GAB2: variants seen among roughly 807,000 people sequenced by gnomAD.
GAB2 encodes the protein GRB2-associated-binding protein 2.
GAB2 carries 26 observed loss-of-function variants against 65.5 expected under a neutral mutation model. The ratio of observed to expected loss-of-function variants is 0.40; its 90% CI spans 0.29 to 0.55. The LOEUF (loss-of-function observed/expected upper bound fraction) is 0.55, where lower values mean the gene tolerates loss of function less well. Among genes scored for constraint, GAB2 ranks in the 20% least tolerant of loss-of-function variants. GAB2 has a pLI of 0.53. For missense variants in GAB2, 884 were observed against 875.8 expected, an observed-to-expected ratio of 1.01 and a Z score of -0.12; for synonymous variants, 321 against 329.6, an observed-to-expected ratio of 0.97 and a Z score of 0.28.
At chr11:78,326,685 T>C (rs181465770) in intron 1 of GAB2, among the ~76,000 whole-genome samples, 4 of 152,350 alleles carry the variant, frequency 2.6e-5, no homozygotes, top group Non-Finnish European at 1.5e-5. Context: ...AACAGTTTGT[T>C]CATCTTTGTG....
chr11:78,222,723 T>C (rs1008268678), intron 6 of GAB2, among the ~76,000 whole-genome samples: 1 of 151,940 alleles, frequency 6.6e-6, no homozygotes, highest in African/African-American at 2.4e-5. Context: ...GCTGGGACTA[T>C]AGGCGCCTGC....
intron 1 of GAB2, among the ~76,000 whole-genome samples, chr11:78,333,671 G>A (rs1855952200): frequency 6.6e-6 from 1 of 152,174 alleles, no homozygotes; most frequent in East Asian, 1.9e-4. Flanking sequence ...TGGGCAGGGA[G>A]AACAGTAAGT....
rs142005146 is a variant in GAB2 at position 78,384,127 on chromosome 11, G to C, written c.75+33519C>G. The stretch of plus-strand genomic sequence containing the variant: ...CTGCACTCTCATTTTGTACCAAAAT[G>C]TACCAAACCTGATGCACCTCAAAGG... On this transcript the variant is annotated intron_variant, in intron 1 of 9. Coordinates refer to ENST00000361507, the MANE Select transcript of GAB2 (RefSeq NM_080491.3). Among the ~76,000 whole-genome samples, 683 of 152,296 alleles carry C rather than the reference G, an allele frequency of 4.5e-3. 4 individuals are homozygous for C. The highest frequency in any genetic ancestry group is 0.016 in the African/African-American group (660 of 41,572).
intron 1 of GAB2, among the ~76,000 whole-genome samples, chr11:78,383,278 A>T (rs1055034362): frequency 6.6e-5 from 10 of 152,000 alleles, no homozygotes; most frequent in Admixed American, 2.6e-4. Context: ...GTCTCAAAAA[A>T]GAAAAAACAG....
Position 78,222,096 on chromosome 11 carries a change from C to G in GAB2, c.1658+9G>C, listed in dbSNP as rs772391418. The G allele has an allele frequency of 7.6e-6, 12 of 1,578,300 alleles. No individual in the cohort carries two copies. In the Admixed American group the frequency reaches 1.5e-4, roughly 20 times the overall value. ...CTCCAAGCTCCCACCCCCACACATA[C>G]GCACTTACTTGGCCCTAGACCAAGA... On this transcript the variant is annotated intron_variant, in intron 7 of 9. Coordinates refer to ENST00000361507, the MANE Select transcript of GAB2 (RefSeq NM_080491.3).
intron 1 of GAB2, among the ~76,000 whole-genome samples, chr11:78,415,949 T>G (rs1003514309): frequency 4.6e-5 from 7 of 151,948 alleles, no homozygotes; most frequent in African/African-American, 1.7e-4. Flanking sequence ...CTTTTTTTTT[T>G]TTTTTTTTTA....
chr11:78,305,307 C>T (rs1565151733), intron 1 of GAB2, among the ~76,000 whole-genome samples: 1 of 152,120 alleles, frequency 6.6e-6, no homozygotes, highest in Non-Finnish European at 1.5e-5. Context: ...GCCTTTTATT[C>T]TAAAATGAGT....
intron 1 of GAB2, among the ~76,000 whole-genome samples, chr11:78,281,332 G>A (rs977959080): frequency 2.6e-5 from 4 of 151,336 alleles, no homozygotes; most frequent in East Asian, 1.9e-4. Flanking sequence ...TGCAACCTCC[G>A]CCTCCAGGGT....
At chr11:78,288,805 T>C (rs1426928212) in intron 1 of GAB2, among the ~76,000 whole-genome samples, 1 of 152,208 alleles carries the variant, frequency 6.6e-6, no homozygotes, top group East Asian at 1.9e-4. Context: ...AGAATGTCTG[T>C]AGATGTACGT....
At chr11:78,279,247 T>C (rs553098327) in intron 2 of GAB2, among the ~76,000 whole-genome samples, 3 of 152,274 alleles carry the variant, frequency 2.0e-5, no homozygotes, top group East Asian at 1.9e-4. Flanking sequence ...CAGAGCCCAG[T>C]GTAAAATGAA....
At chr11:78,363,374 C>T (rs1856458532) in intron 1 of GAB2, among the ~76,000 whole-genome samples, 1 of 152,120 alleles carries the variant, frequency 6.6e-6, no homozygotes, top group African/African-American at 2.4e-5. Flanking sequence ...CCCATACCTA[C>T]CACACTGCCT....
At chr11:78,342,478 G>T (rs1334614161) in intron 1 of GAB2, among the ~76,000 whole-genome samples, 1 of 141,370 alleles carries the variant, frequency 7.1e-6, no homozygotes. Flanking sequence ...GGCACATCTC[G>T]GCTCACTACA....
At chr11:78,284,305 CATCCTGCAGTCT>C (rs1866413788) in intron 1 of GAB2, among the ~76,000 whole-genome samples, 1 of 152,250 alleles carries the variant, frequency 6.6e-6, no homozygotes, top group African/African-American at 2.4e-5. Context: ...TCCACCCTTT[CATCCTGCAGTCT>C]ATCCTCAACC....
At chr11:78,302,350 T>G (rs1867047690) in intron 1 of GAB2, among the ~76,000 whole-genome samples, 1 of 151,476 alleles carries the variant, frequency 6.6e-6, no homozygotes, top group Non-Finnish European at 1.5e-5. Flanking sequence ...AAAAAAACAA[T>G]CTCATCAAAA....
rs192788059 is a variant in GAB2, at chr11:78,389,975, A to T, written c.75+27671T>A. Among the ~76,000 whole-genome samples the T allele has an allele frequency of 5.3e-5, 8 of 152,344 alleles. No homozygotes were observed. The East Asian group carries it at 1.5e-3, about 29-fold the overall frequency. On this transcript the variant is annotated intron_variant, in intron 1 of 9. Transcript: ENST00000361507. Reference sequence around the variant, plus strand: ...ATAATACTTTGTTCTTTTCAGCATAATATAGATCCTTTTGTATCTACCACC... The same window carrying T: ...ATAATACTTTGTTCTTTTCAGCATATTATAGATCCTTTTGTATCTACCACC...
chr11:78,289,090 C>A (rs960791079), intron 1 of GAB2, among the ~76,000 whole-genome samples: 1 of 152,094 alleles, frequency 6.6e-6, no homozygotes, highest in African/African-American at 2.4e-5. Flanking sequence ...TTTTCACAAA[C>A]GTGTAAAAGC....
intron 1 of GAB2, among the ~76,000 whole-genome samples, chr11:78,312,508 C>T (rs1431632933): frequency 6.6e-6 from 1 of 152,238 alleles, no homozygotes; most frequent in Non-Finnish European, 1.5e-5. Context: ...TCAGTGCAAC[C>T]TCCACCTCGC....
At chr11:78,398,586 T>C (rs1856931694) in intron 1 of GAB2, among the ~76,000 whole-genome samples, 1 of 152,100 alleles carries the variant, frequency 6.6e-6, no homozygotes, top group South Asian at 2.1e-4. Context: ...TAATTAAAAA[T>C]TGGAAAAAAT....
intron 1 of GAB2, among the ~76,000 whole-genome samples, chr11:78,376,584 G>A (rs1312360898): frequency 6.6e-6 from 1 of 152,188 alleles, no homozygotes; most frequent in East Asian, 1.9e-4. Flanking sequence ...ACTTGGAAAT[G>A]TGTTTTCACA....
Sources: allele counts gnomAD v4.1 joint callset (sites outside exome capture counted in the v4.1 genomes callset), GRCh38; gene constraint gnomAD v4.1.1; transcripts MANE v1.5; gene names NCBI Gene and HGNC (gene_info 2026-07-23, HGNC 2026-07-21).